CDH6: variants seen among roughly 807,000 people sequenced by gnomAD.
CDH6 encodes the protein cadherin 6.
A neutral mutation model predicts 78.0 loss-of-function variants in CDH6; 31 were observed. The ratio of observed to expected loss-of-function variants is 0.40; its 90% CI spans 0.30 to 0.54. CDH6 has a LOEUF of 0.54. Ranked by LOEUF, CDH6 falls within the 20% of genes least tolerant of loss-of-function variation. The pLI is 0.56. For missense variants in CDH6, 724 were observed against 975.9 expected (o/e 0.74, Z 3.44); for synonymous variants, 376 against 368.8 (o/e 1.02, Z -0.23).
rs907993945 is a variant in CDH6, at chr5:31,277,935, G to A, written c.228+10234G>A. On this transcript the variant is annotated intron_variant, in intron 2 of 11. Transcript: ENST00000265071. ...AGTACAATATGATATTTTGATATAC[G>A]TTGTGAAATGATTACTATCATGTTA... 2.7e-4 allele frequency among the ~76,000 whole-genome samples: 41 copies of A among 152,034 alleles called. 1 individual carries two copies. The highest frequency in any genetic ancestry group is 9.2e-4 in the African/African-American group (38 of 41,400).
chr5:31,280,824 A>AGAGAAAG (rs372433403), intron 2 of CDH6, among the ~76,000 whole-genome samples: 1 of 151,948 alleles, frequency 6.6e-6, no homozygotes, highest in Admixed American at 6.6e-5. Flanking sequence ...AAAGGACAAC[A>AGAGAAAG]GAGAAAGGAG....
chr5:31,256,954 G>A (rs1187926717), intron 1 of CDH6, among the ~76,000 whole-genome samples: 2 of 152,188 alleles, frequency 1.3e-5, no homozygotes, highest in South Asian at 2.1e-4. Context: ...AAGAGAGTAA[G>A]ATCTAAACCC....
chr5:31,239,829 T>C (rs955125335), intron 1 of CDH6, among the ~76,000 whole-genome samples: 2 of 152,196 alleles, frequency 1.3e-5, no homozygotes, highest in African/African-American at 4.8e-5. Flanking sequence ...GGATGAAACA[T>C]GCTTGCCAGT....
At chr5:31,316,474 C>T (rs987159136) in intron 9 of CDH6, 145 bp downstream of exon 9, 3 of 670,498 alleles carry the variant, frequency 4.5e-6, no homozygotes, top group Non-Finnish European at 7.2e-6. Context: ...AAATAAGAAC[C>T]AGGACTTACA....
intron 1 of CDH6, among the ~76,000 whole-genome samples, chr5:31,198,430 T>A (rs897929642): frequency 6.6e-6 from 1 of 152,178 alleles, no homozygotes; most frequent in African/African-American, 2.4e-5. Context: ...TCTTAGTGTA[T>A]GTGGTACTAT....
At chr5:31,195,139 G>A (rs1740126807) in intron 1 of CDH6, among the ~76,000 whole-genome samples, 1 of 151,986 alleles carries the variant, frequency 6.6e-6, no homozygotes, top group African/African-American at 2.4e-5. Context: ...GTATCAGACC[G>A]TGTCTCTGCG....
chr5:31,254,014 A>G (rs1741983945), intron 1 of CDH6, among the ~76,000 whole-genome samples: 1 of 152,210 alleles, frequency 6.6e-6, no homozygotes, highest in Non-Finnish European at 1.5e-5. Context: ...TTCCAGAAAT[A>G]AATAATTCAT....
rs1204448121 is a variant in CDH6 at position 31,325,979 on chromosome 5, A to ACC, written c.*2674_*2675dup. On this transcript the variant is annotated 3_prime_UTR_variant, in exon 12 of 12. Coordinates refer to ENST00000265071, the MANE Select transcript of CDH6 (RefSeq NM_004932.4). ...TCCAGCTTCGTCTCACTTCCTTCCC[A>ACC]CCCCACCTGAGTATCAGGTCAAACA... 1 of 230,222 alleles carries ACC rather than the reference A, an allele frequency of 4.3e-6. No individual in the cohort carries two copies. The highest frequency in any genetic ancestry group is 2.2e-5 in the African/African-American group (1 of 44,706). The allele number at this position is 230,222 out of a possible 1,614,324, so 14.3% of individuals were successfully genotyped here.
intron 2 of CDH6, among the ~76,000 whole-genome samples, chr5:31,287,034 G>A (rs1429780899): frequency 6.6e-6 from 1 of 152,078 alleles, no homozygotes; most frequent in Non-Finnish European, 1.5e-5. Context: ...TATTGGATGT[G>A]CTGAGTGTAA....
intron 6 of CDH6, 147 bp downstream of exon 6, chr5:31,302,445 G>C: frequency 8.1e-6 from 5 of 619,606 alleles, no homozygotes; most frequent in Non-Finnish European, 1.3e-5. Flanking sequence ...AGTTCTGGCC[G>C]GGCATGGTGG....
At chr5:31,273,770 C>G (rs1455629492) in intron 2 of CDH6, among the ~76,000 whole-genome samples, 1 of 152,214 alleles carries the variant, frequency 6.6e-6, no homozygotes, top group African/African-American at 2.4e-5. Flanking sequence ...TTTTAAAGAG[C>G]TGCACGAATG....
Position 31,299,471 on chromosome 5 carries a change from C to A in CDH6, c.651C>A (p.Ile217=). ...YFSVESETGI[I]KTALLNMDRE... is the part of the protein sequence containing the mutation. ...TAAATTTCACATCCACAGGTATTAT[C>A]AAGACAGCTTTGCTCAACATGGATC... Residue 217 remains isoleucine (I), a synonymous_variant, in exon 5 of 12, where the codon ATC becomes ATA. Coordinates refer to ENST00000265071, the MANE Select transcript of CDH6 (RefSeq NM_004932.4). 1 of 1,612,180 alleles carries A rather than the reference C, an allele frequency of 6.2e-7. No individual in the cohort carries two copies. The highest frequency in any genetic ancestry group is 8.5e-7 in the Non-Finnish European group (1 of 1,178,540).
chr5:31,257,753 C>T (rs1742095370), intron 1 of CDH6, among the ~76,000 whole-genome samples: 1 of 152,092 alleles, frequency 6.6e-6, no homozygotes, highest in South Asian at 2.1e-4. Flanking sequence ...AATCCAGCCT[C>T]CAGCACTCAC....
chr5:31,231,512 A>G lies in CDH6; in HGVS notation c.-128-35834A>G, dbSNP rs190971581. ...TAAAGAAAAGGAATTTATTTCTACAATTTGGAGAGCTGAGAAGTCCAAGGT... is the reference window on the plus strand; with the variant it reads ...TAAAGAAAAGGAATTTATTTCTACAGTTTGGAGAGCTGAGAAGTCCAAGGT... On this transcript the variant is annotated intron_variant, in intron 1 of 11. Transcript: ENST00000265071. 4.0e-3 allele frequency among the ~76,000 whole-genome samples: 604 copies of G among 152,306 alleles called. 7 individuals are homozygous for G. Among genetic ancestry groups the G allele is most frequent in the African/African-American group, 0.014 (576 of 41,572 alleles).
intron 5 of CDH6, among the ~76,000 whole-genome samples, chr5:31,301,681 C>T (rs1327500641): frequency 6.6e-6 from 1 of 152,200 alleles, no homozygotes; most frequent in Non-Finnish European, 1.5e-5. Context: ...TTTCCACCTC[C>T]AGCTATTATT....
chr5:31,249,575 G>A (rs995348570), intron 1 of CDH6: 1 of 152,216 alleles, frequency 6.6e-6, no homozygotes, highest in Non-Finnish European at 1.5e-5. Context: ...ATTTCCATAT[G>A]TCAAAACCAG....
intron 2 of CDH6, among the ~76,000 whole-genome samples, chr5:31,272,977 C>G (rs111794430): frequency 0.011 from 1,632 of 152,110 alleles, 30 homozygotes; most frequent in African/African-American, 0.037. Context: ...TCCCAATATG[C>G]CTTTATCCTC....
At position 31,267,940 on chromosome 5, in the gene CDH6, C is replaced by G. The variant is rs75404375; in HGVS notation, c.228+239C>G. Among the ~76,000 whole-genome samples, 1,049 of 152,242 alleles carry G rather than the reference C, an allele frequency of 6.9e-3. 9 individuals carry two copies. Among genetic ancestry groups the G allele is most frequent in the African/African-American group, 0.024 (998 of 41,540 alleles). ...CTCCAGTTGAAACACCCACAACCAT[C>G]CGCATAGGATTATCATAAATCCTTT... On this transcript the variant is annotated intron_variant, in intron 2 of 11. Coordinates refer to ENST00000265071, the MANE Select transcript of CDH6 (RefSeq NM_004932.4).
intron 1 of CDH6, among the ~76,000 whole-genome samples, chr5:31,224,882 T>A (rs1162247232): frequency 2.6e-5 from 4 of 152,186 alleles, no homozygotes; most frequent in Non-Finnish European, 4.4e-5. Flanking sequence ...TAACATGTAA[T>A]CTCACAATAT....
Sources: gnomAD v4.1 joint callset for allele counts (sites outside exome capture counted in the v4.1 genomes callset) on GRCh38, gnomAD v4.1.1 for gene constraint, MANE v1.5 for transcripts, NCBI Gene and HGNC (gene_info 2026-07-23, HGNC 2026-07-21) for gene names.